The following TMA16 variants were observed in gnomAD, a reference collection of about 807,000 sequenced individuals.
TMA16 encodes the protein translation machinery associated 16 homolog.
In TMA16, 26 loss-of-function variants were observed where a neutral mutation model predicts 27.1. The ratio of observed to expected loss-of-function variants is 0.96; its 90% CI spans 0.70 to 1.33. The LOEUF (loss-of-function observed/expected upper bound fraction) is 1.33. TMA16 is among the 40% of genes most tolerant of loss of function. The probability of loss-of-function intolerance (pLI) is 0.00; values close to 1 mark genes in which losing one functional copy is unlikely to be tolerated. For synonymous variants in TMA16, 71 were observed against 81.9 expected (o/e 0.87, Z 0.72); for missense variants, 233 against 241.4 (o/e 0.97, Z 0.23).
Position 163,510,819 on chromosome 4 carries a change from T to C in TMA16, c.117-2003T>C, listed in dbSNP as rs115260207. On this transcript the variant is annotated intron_variant, in intron 2 of 6. Coordinates refer to ENST00000358572, the MANE Select transcript of TMA16 (RefSeq NM_018352.3). ...ATGCTGCAGTGGCAGAGCTGAGTAA[T>C]TGTTACAGGTACACAGCCCCCAAAG... Among the ~76,000 whole-genome samples, 1,243 of 152,334 alleles carry C rather than the reference T, an allele frequency of 8.2e-3. 14 individuals carry two copies. Among genetic ancestry groups the C allele is most frequent in the African/African-American group, 0.028 (1,174 of 41,584 alleles).
intron 6 of TMA16, among the ~76,000 whole-genome samples, chr4:163,517,766 T>G (rs1737903214): frequency 6.6e-6 from 1 of 152,188 alleles, no homozygotes; most frequent in Middle Eastern, 3.2e-3. Context: ...GTTTTATTTT[T>G]TTAAAAAAGA....
chr4:163,505,382 T>G (rs529613745), intron 1 of TMA16, among the ~76,000 whole-genome samples: 1 of 152,330 alleles, frequency 6.6e-6, no homozygotes, highest in Admixed American at 6.5e-5. Flanking sequence ...CAGATGTGGA[T>G]ATATCTTCTC....
intron 1 of TMA16, among the ~76,000 whole-genome samples, chr4:163,495,687 G>A (rs1473960516): frequency 6.6e-6 from 1 of 152,112 alleles, no homozygotes; most frequent in East Asian, 1.9e-4. Context: ...CTGGTCAGAA[G>A]TTACGATATT....
At chr4:163,495,079 C>T (rs547680499) in intron 1 of TMA16, among the ~76,000 whole-genome samples, 31 of 115,418 alleles carry the variant, frequency 2.7e-4, no homozygotes, top group Middle Eastern at 4.2e-3. Context: ...CTAGTCACTA[C>T]TTCCTGGGGG....
At chr4:163,517,550 G>C in intron 6 of TMA16, 74 bp downstream of exon 6, 1 of 1,339,442 alleles carries the variant, frequency 7.5e-7, no homozygotes, top group South Asian at 1.3e-5. Context: ...TCCCCTTTGA[G>C]TCTAGCCGGT....
At chr4:163,495,693 A>G (rs1180691106) in intron 1 of TMA16, among the ~76,000 whole-genome samples, 2 of 152,162 alleles carry the variant, frequency 1.3e-5, no homozygotes, top group South Asian at 2.1e-4. Flanking sequence ...AGAAGTTACG[A>G]TATTGTGTCC....
intron 2 of TMA16, among the ~76,000 whole-genome samples, chr4:163,510,223 G>A (rs1866954): frequency 0.6 from 91,866 of 152,014 alleles, 27,954 homozygotes; most frequent in Admixed American, 0.71. Context: ...TGTTTTTTAA[G>A]ATCAACTTTG....
At chr4:163,499,237 ACT>A (rs1019896084) in intron 1 of TMA16, among the ~76,000 whole-genome samples, 2 of 151,852 alleles carry the variant, frequency 1.3e-5, no homozygotes, top group African/African-American at 4.8e-5. Context: ...AAGATAATTA[ACT>A]CTTTTGTTTG....
intron 2 of TMA16, among the ~76,000 whole-genome samples, chr4:163,509,230 C>T (rs1026632283): frequency 1.3e-5 from 2 of 152,118 alleles, no homozygotes; most frequent in South Asian, 2.1e-4. Flanking sequence ...ACAAAAGGCA[C>T]GTTGAAACGC....
chr4:163,520,174 T>C lies in TMA16; in HGVS notation c.*660T>C. 6.1e-6 allele frequency: 2 copies of C among 329,352 alleles called. No homozygotes were observed. Among genetic ancestry groups the C allele is most frequent in the Non-Finnish European group, 1.1e-5 (2 of 183,446 alleles). 20.4% of individuals were successfully genotyped at this position (329,352 alleles called of 1,614,324 possible). A position where few individuals can be genotyped will look rare whatever the true frequency, so the allele number is the denominator to read the frequency against. ...TTAGCTCCTTTTGATTGTATATTAT[T>C]TTTTGCTTTTTTATTGTGAAAAGAG... On this transcript the variant is annotated 3_prime_UTR_variant, in exon 7 of 7. Transcript: ENST00000358572.
chr4:163,499,568 G>T (rs561535908), intron 1 of TMA16, among the ~76,000 whole-genome samples: 1 of 152,124 alleles, frequency 6.6e-6, no homozygotes. Flanking sequence ...GGACACACTC[G>T]AATACCTAAA....
At chr4:163,515,278 T>C in intron 4 of TMA16, 35 bp from the exon 5 acceptor site, 2 of 1,584,964 alleles carry the variant, frequency 1.3e-6, no homozygotes, top group Non-Finnish European at 1.7e-6. Flanking sequence ...TACATATACT[T>C]TGTATGTAAC....
Position 163,507,046 on chromosome 4 carries a change from A to T in TMA16, c.17A>T (p.Lys6Met), listed in dbSNP as rs1317284866. 1 of 1,588,862 alleles carries T rather than the reference A, an allele frequency of 6.3e-7. No individual in the cohort carries two copies. The highest frequency in any genetic ancestry group is 1.8e-5 in the Admixed American group (1 of 56,752). MPKAP[K>M]GKSAGREKKV... ...CATACATTTTAGCCCAAAGCACCAAAGGGAAAAAGTGCAGGACGGGAAAAA... is the reference window on the plus strand; with the variant it reads ...CATACATTTTAGCCCAAAGCACCAATGGGAAAAAGTGCAGGACGGGAAAAA... The change falls in exon 2 of 7, where the codon AAG (lysine) becomes ATG (methionine). Residue 6 changes from lysine (K) to methionine (M), a missense_variant. Lys to Met is a moderately conservative substitution (Grantham distance 95). Transcript: ENST00000358572.
At chr4:163,512,303 G>A (rs1737811391) in intron 2 of TMA16, 1 of 152,200 alleles carries the variant, frequency 6.6e-6, no homozygotes, top group Non-Finnish European at 1.5e-5. Flanking sequence ...TAAGTGTTTA[G>A]AATATCAGTA....
At chr4:163,495,175 G>A (rs550531669) in intron 1 of TMA16, among the ~76,000 whole-genome samples, 1 of 152,160 alleles carries the variant, frequency 6.6e-6, no homozygotes. Flanking sequence ...TGCCTCTCTG[G>A]CCTGGGTAGA....
intron 2 of TMA16, among the ~76,000 whole-genome samples, chr4:163,508,723 T>C (rs1737751531): frequency 6.6e-6 from 1 of 152,214 alleles, no homozygotes; most frequent in African/African-American, 2.4e-5. Context: ...TGGTATGATA[T>C]GCAATATTTT....
At chr4:163,499,254 G>A (rs1737610452) in intron 1 of TMA16, among the ~76,000 whole-genome samples, 1 of 151,888 alleles carries the variant, frequency 6.6e-6, no homozygotes, top group Non-Finnish European at 1.5e-5. Flanking sequence ...TGTTTGTGTT[G>A]CAAGTTTTTT....
Position 163,505,812 on chromosome 4 carries a change from C to T in TMA16, c.4-1221C>T, listed in dbSNP as rs184421580. 4.6e-5 allele frequency among the ~76,000 whole-genome samples: 7 copies of T among 152,050 alleles called. No individual in the cohort carries two copies. In the East Asian group the frequency reaches 1.2e-3, roughly 25 times the overall value. ...ATGAAGACAAGCTCTGTAGCTTTGC[C>T]GAAGAAAGGACTAGTGGGGAGAATC... On this transcript the variant is annotated intron_variant, in intron 1 of 6. Coordinates refer to ENST00000358572, the MANE Select transcript of TMA16 (RefSeq NM_018352.3).
intron 3 of TMA16, 25 bp downstream of exon 3, chr4:163,512,884 C>T: frequency 6.3e-7 from 1 of 1,595,718 alleles, no homozygotes; most frequent in Non-Finnish European, 8.6e-7. Context: ...TTATTTGAAA[C>T]TCTGGCTAGA....
Sources: allele counts gnomAD v4.1 joint callset (sites outside exome capture counted in the v4.1 genomes callset), GRCh38; gene constraint gnomAD v4.1.1; transcripts MANE v1.5; gene names NCBI Gene and HGNC (gene_info 2026-07-23, HGNC 2026-07-21).